Variants in ZNF335 observed in about 807,000 individuals in gnomAD.
The protein encoded by ZNF335 is zinc finger protein 335, also known as NRC-interacting factor 1.
A neutral mutation model predicts 145.6 loss-of-function variants in ZNF335; 84 were observed. That is an observed-to-expected ratio of 0.58 (90% CI 0.48 to 0.69). The LOEUF (loss-of-function observed/expected upper bound fraction) is 0.69. ZNF335 is among the 30% of genes least tolerant of loss of function. The pLI is 0.00. For missense variants in ZNF335, 1,865 were observed against 1,809.7 expected (o/e 1.03, Z -0.55); for synonymous variants, 761 against 717.0 (o/e 1.06, Z -0.98).
rs759215916 is a variant in ZNF335 at position 45,963,574 on chromosome 20, C to T, written c.1432G>A (p.Glu478Lys). 12 of 1,614,048 alleles carry T rather than the reference C, an allele frequency of 7.4e-6. No homozygotes were observed. Among genetic ancestry groups the T allele is most frequent in the Admixed American group, 5.0e-5 (3 of 60,004 alleles). The change falls in exon 9 of 28, where the codon GAG becomes AAG. Residue 478 changes from glutamate to lysine, a missense_variant. By Grantham distance (56) the Glu-to-Lys change is moderately conservative (BLOSUM62 1). Coordinates refer to ENST00000322927, the MANE Select transcript of ZNF335 (RefSeq NM_022095.4). ...GAGTTGACGTGGAAGCGCAGGTCCTCGTGGGACAGAAAGCGAGAACCACAG... is the reference window on the plus strand; with the variant it reads ...GAGTTGACGTGGAAGCGCAGGTCCTTGTGGGACAGAAAGCGAGAACCACAG... ...RICGSRFLSHEDLRFHVNSHE... is the reference protein window; with the variant it reads ...RICGSRFLSHKDLRFHVNSHE...
intron 14 of ZNF335, among the ~76,000 whole-genome samples, chr20:45,959,776 T>C (rs1240015746): frequency 1.3e-5 from 2 of 152,108 alleles, no homozygotes; most frequent in African/African-American, 2.4e-5. Context: ...AAAGAAACAA[T>C]GTTTGCAGTG....
intron 15 of ZNF335, 127 bp from the exon 16 acceptor site, chr20:45,958,055 C>CTTT: frequency 2.6e-5 from 15 of 583,306 alleles, no homozygotes; most frequent in East Asian, 3.2e-5. Flanking sequence ...AACCACTTTT[C>CTTT]TTTTTTTTTT....
At chr20:45,963,212 T>G (rs1411676623) in intron 9 of ZNF335, among the ~76,000 whole-genome samples, 1 of 152,160 alleles carries the variant, frequency 6.6e-6, no homozygotes, top group African/African-American at 2.4e-5. Context: ...TCTGTGGTGG[T>G]GAAGATATGC....
intron 7 of ZNF335, 120 bp downstream of exon 7, chr20:45,965,508 C>G (rs2041816426): frequency 8.0e-7 from 1 of 1,256,864 alleles, no homozygotes; most frequent in East Asian, 2.8e-5. Flanking sequence ...CTGCAGGTGA[C>G]CCGGTTTGAG....
chr20:45,955,894 G>T (rs1600527448), intron 17 of ZNF335, among the ~76,000 whole-genome samples: 1 of 152,026 alleles, frequency 6.6e-6, no homozygotes, highest in Non-Finnish European at 1.5e-5. Flanking sequence ...TAAAACGAAA[G>T]AACCCAGCCA....
intron 6 of ZNF335, among the ~76,000 whole-genome samples, chr20:45,966,145 T>A (rs1430349515): frequency 6.6e-6 from 1 of 152,182 alleles, no homozygotes; most frequent in Non-Finnish European, 1.5e-5. Context: ...ATGTAGCTAT[T>A]GAGCCCTTGA....
In ZNF335 at chr20:45,949,229, G is replaced by C. The variant is rs140528177; in HGVS notation, c.3842C>G (p.Pro1281Arg). 5.8e-5 allele frequency: 93 copies of C among 1,613,730 alleles called. No homozygotes were observed. The highest frequency in any genetic ancestry group is 7.3e-5 in the Non-Finnish European group (86 of 1,179,994). Residue 1281 changes from proline to arginine, a missense_variant, in exon 27 of 28, where the codon CCA becomes CGA. Pro to Arg is a moderately radical substitution (Grantham distance 103, BLOSUM62 -2). Coordinates refer to ENST00000322927, the MANE Select transcript of ZNF335 (RefSeq NM_022095.4). Reference sequence around the variant, plus strand: ...AGCCTGTGTGACAAGCTGCTGGCCTGGGGACACAGGCACATACTGGATCTG... The same window carrying C: ...AGCCTGTGTGACAAGCTGCTGGCCTCGGGACACAGGCACATACTGGATCTG... ...ESQIQYVPVS[P>R]GQQLVTQAQL...
intron 9 of ZNF335, among the ~76,000 whole-genome samples, chr20:45,962,965 C>T (rs1476843132): frequency 1.3e-5 from 2 of 151,964 alleles, no homozygotes; most frequent in Non-Finnish European, 2.9e-5. Flanking sequence ...AGGCATGCAC[C>T]ACCATGCCCA....
At chr20:45,956,986 T>C in intron 17 of ZNF335, among the ~76,000 whole-genome samples, 1 of 152,118 alleles carries the variant, frequency 6.6e-6, no homozygotes, top group Non-Finnish European at 1.5e-5. Context: ...CTGGAATTCA[T>C]CATCTTAAAA....
chr20:45,969,601 CT>C lies in ZNF335; in HGVS notation c.291del (p.Val99Ter), dbSNP rs1438111174. ...AGTGCTGGGGGACCGCCTGTCACCC[CT>C]GCCACTGGCCCATGAGACACAGACG... ...DSSSVSHGPV[A>X]GVTGGPPALV... On this transcript the variant is annotated frameshift_variant, in exon 3 of 28. Coordinates refer to ENST00000322927, the MANE Select transcript of ZNF335 (RefSeq NM_022095.4). LOFTEE classifies it high-confidence loss of function. 3.1e-6 allele frequency: 5 copies of C among 1,608,326 alleles called. No individual in the cohort carries two copies. Among genetic ancestry groups the C allele is most frequent in the Non-Finnish European group, 3.4e-6 (4 of 1,175,796 alleles).
rs976468047 is a variant in ZNF335 at position 45,972,117 on chromosome 20, C to T, written c.-51+5G>A. 7 of 1,289,376 alleles carry T rather than the reference C, an allele frequency of 5.4e-6. No homozygotes were observed. The highest frequency in any genetic ancestry group is 6.1e-6 in the Non-Finnish European group (6 of 988,730). 79.9% of individuals were successfully genotyped at this position (1,289,376 alleles called of 1,614,324 possible). On this transcript the variant is annotated splice_donor_5th_base_variant and intron_variant, in intron 1 of 27. Transcript: ENST00000322927. ...TGGGGCCGCCTAACTCTACCCGAAGCTCACCCGAGGCTTTCGTAGCCACGT... is the reference window on the plus strand; with the variant it reads ...TGGGGCCGCCTAACTCTACCCGAAGTTCACCCGAGGCTTTCGTAGCCACGT...
At chr20:45,954,338 G>A (rs539504341) in intron 17 of ZNF335, among the ~76,000 whole-genome samples, 7 of 152,216 alleles carry the variant, frequency 4.6e-5, no homozygotes, top group Non-Finnish European at 1.0e-4. Context: ...TGCTAACAGC[G>A]CTGCAGACAA....
At chr20:45,958,371 A>C (rs2083766721) in intron 15 of ZNF335, among the ~76,000 whole-genome samples, 1 of 152,152 alleles carries the variant, frequency 6.6e-6, no homozygotes, top group Non-Finnish European at 1.5e-5. Flanking sequence ...AAAATATACG[A>C]GCTCAGTGCT....
intron 6 of ZNF335, 131 bp from the exon 7 acceptor site, chr20:45,965,905 A>G: frequency 2.7e-6 from 3 of 1,128,894 alleles, no homozygotes; most frequent in Non-Finnish European, 3.6e-6. Flanking sequence ...CTCCTCCAGA[A>G]AGCCCTCCTG....
rs771782304 is a variant in ZNF335 at position 45,967,570 on chromosome 20, C to G, written c.879G>C (p.Lys293Asn). Residue 293 changes from lysine to asparagine, a missense_variant, in exon 6 of 28, where the codon AAG (lysine) becomes AAC (asparagine). Physicochemically the swap from Lys to Asn is moderately conservative, Grantham distance 94. Coordinates refer to ENST00000322927, the MANE Select transcript of ZNF335 (RefSeq NM_022095.4). ...CCTCTGGTCCCTCTTCCTCTTGGCTCTTGGTGGAGGTGCTCCACTTCCGTA... is the reference window on the plus strand; with the variant it reads ...CCTCTGGTCCCTCTTCCTCTTGGCTGTTGGTGGAGGTGCTCCACTTCCGTA... ...GRLRKWSTST[K>N]SQEEEGPEEE... The G allele has an allele frequency of 1.9e-6, 3 of 1,613,964 alleles. No homozygotes were observed. The highest frequency in any genetic ancestry group is 2.5e-6 in the Non-Finnish European group (3 of 1,180,038).
At chr20:45,965,301 C>T (rs1369578956) in intron 7 of ZNF335, among the ~76,000 whole-genome samples, 3 of 152,106 alleles carry the variant, frequency 2.0e-5, no homozygotes, top group African/African-American at 7.2e-5. Context: ...CTGATAGTCC[C>T]AGGCCTCAGA....
intron 18 of ZNF335, 45 bp downstream of exon 18, chr20:45,953,639 GACCAC>G (rs2083673657): frequency 1.2e-6 from 2 of 1,601,982 alleles, no homozygotes; most frequent in East Asian, 4.5e-5. Context: ...CGGACCGACC[GACCAC>G]ACCTACAAAA....
At position 45,963,893 on chromosome 20, in the gene ZNF335, C is replaced by T. The variant is rs1325080618; in HGVS notation, c.1200G>A (p.Leu400=). 1.2e-6 allele frequency: 2 copies of T among 1,601,230 alleles called. No homozygotes were observed. Among genetic ancestry groups the T allele is most frequent in the Non-Finnish European group, 1.7e-6 (2 of 1,172,284 alleles). Residue 400 remains leucine (L), a synonymous_variant, in exon 8 of 28, where the codon CTG becomes CTA. Coordinates refer to ENST00000322927, the MANE Select transcript of ZNF335 (RefSeq NM_022095.4). ...TCCTGCTCACCTTGCCCATGGCCAC[C>T]AGGTGTCCTGGGCCTGAGGAGCTGG... ...EAPSSSGPGH[L]VAMGKVSRTP... is the part of the protein sequence containing the mutation.
At chr20:45,952,083 G>C (rs2083643146) in intron 20 of ZNF335, 64 bp downstream of exon 20, 3 of 1,526,016 alleles carry the variant, frequency 2.0e-6, no homozygotes, top group African/African-American at 1.4e-5. Context: ...CTCATTAAAG[G>C]TTTGTTATAC....
Sources: allele counts gnomAD v4.1 joint callset (sites outside exome capture counted in the v4.1 genomes callset), GRCh38; gene constraint gnomAD v4.1.1; transcripts MANE v1.5; gene names NCBI Gene and HGNC (gene_info 2026-07-23, HGNC 2026-07-21).